The following CHL1 variants were observed in gnomAD, a reference collection of about 807,000 sequenced individuals.
CHL1 encodes the protein cell adhesion molecule L1 like.
A neutral mutation model predicts 141.9 loss-of-function variants in CHL1; 96 were observed. That is an observed-to-expected ratio of 0.68 (90% CI 0.57 to 0.80). The LOEUF (loss-of-function observed/expected upper bound fraction) is 0.80, where lower values mean the gene tolerates loss of function less well. CHL1 is among the 30% of genes least tolerant of loss of function. The pLI is 0.00. For synonymous variants in CHL1, 613 were observed against 502.2 expected, an observed-to-expected ratio of 1.22 and a Z score of -2.95; for missense variants, 1,820 against 1,457.2, an observed-to-expected ratio of 1.25 and a Z score of -4.05.
chr3:259,312 G>A (rs1342381291), intron 2 of CHL1, among the ~76,000 whole-genome samples: 1 of 151,030 alleles, frequency 6.6e-6, no homozygotes, highest in Non-Finnish European at 1.5e-5. Context: ...GCTTGTGTGT[G>A]TGTGTGCATG....
At chr3:308,396 T>C (rs1699435704) in intron 2 of CHL1, among the ~76,000 whole-genome samples, 1 of 152,116 alleles carries the variant, frequency 6.6e-6, no homozygotes. Flanking sequence ...TTGTGAGCCC[T>C]TGTTTATTTT....
chr3:276,690 C>T (rs1204917991), intron 2 of CHL1, among the ~76,000 whole-genome samples: 5 of 151,780 alleles, frequency 3.3e-5, no homozygotes, highest in South Asian at 4.2e-4. Context: ...GAGATTGAGA[C>T]CGTCCTGGCT....
chr3:245,986 A>G (rs1693125743), intron 2 of CHL1, among the ~76,000 whole-genome samples: 1 of 152,176 alleles, frequency 6.6e-6, no homozygotes. Flanking sequence ...CTCTTGTAAC[A>G]TTAAAAATGG....
At chr3:351,213 T>C (rs187435868) in intron 10 of CHL1, among the ~76,000 whole-genome samples, 70 of 152,332 alleles carry the variant, frequency 4.6e-4, no homozygotes, top group Admixed American at 3.2e-3. Context: ...ACATTAATTA[T>C]GCAATTTAAA....
At chr3:338,350 A>G (rs1702099547) in intron 5 of CHL1, among the ~76,000 whole-genome samples, 1 of 152,216 alleles carries the variant, frequency 6.6e-6, no homozygotes, top group Admixed American at 6.5e-5. Context: ...TTTACTTTTA[A>G]AAATATTACT....
intron 1 of CHL1, among the ~76,000 whole-genome samples, chr3:212,246 A>T (rs1248570830): frequency 6.6e-6 from 1 of 152,116 alleles, no homozygotes; most frequent in Non-Finnish European, 1.5e-5. Flanking sequence ...ATCAATTCTC[A>T]GATGTTTCCA....
chr3:307,139 A>G (rs751617005), intron 2 of CHL1, among the ~76,000 whole-genome samples: 1 of 152,172 alleles, frequency 6.6e-6, no homozygotes, highest in Non-Finnish European at 1.5e-5. Context: ...TTTTATAGGT[A>G]TCAATATTTT....
intron 1 of CHL1, among the ~76,000 whole-genome samples, chr3:230,326 G>C (rs1318955398): frequency 6.6e-6 from 1 of 152,088 alleles, no homozygotes; most frequent in Non-Finnish European, 1.5e-5. Context: ...GAAAGCAAAG[G>C]CTTAACACTG....
At chr3:234,081 A>G (rs1023842903) in intron 1 of CHL1, among the ~76,000 whole-genome samples, 1 of 152,068 alleles carries the variant, frequency 6.6e-6, no homozygotes, top group Non-Finnish European at 1.5e-5. Flanking sequence ...ATGTGTGTAT[A>G]TGAGTGTAGC....
intron 1 of CHL1, among the ~76,000 whole-genome samples, chr3:205,857 T>C (rs1449219490): frequency 6.6e-6 from 1 of 152,210 alleles, no homozygotes; most frequent in Non-Finnish European, 1.5e-5. Flanking sequence ...GAAAGTACTA[T>C]TATAACACCC....
intron 1 of CHL1, among the ~76,000 whole-genome samples, chr3:216,402 T>C (rs1486806961): frequency 6.6e-6 from 1 of 152,244 alleles, no homozygotes; most frequent in East Asian, 1.9e-4. Context: ...GTATTCTTTC[T>C]AATGTGATCA....
At chr3:255,678 C>T (rs1221789979) in intron 2 of CHL1, among the ~76,000 whole-genome samples, 2 of 152,304 alleles carry the variant, frequency 1.3e-5, no homozygotes, top group South Asian at 2.1e-4. Context: ...GTACTTCAAG[C>T]TTTATTTTCT....
chr3:232,300 T>A (rs928510058), intron 1 of CHL1, among the ~76,000 whole-genome samples: 2 of 152,194 alleles, frequency 1.3e-5, no homozygotes, highest in East Asian at 3.8e-4. Context: ...GAGCTCTTTG[T>A]ACTAAGTTAT....
intron 2 of CHL1, chr3:308,613 T>C (rs562525771): frequency 3.3e-5 from 5 of 149,718 alleles, no homozygotes; most frequent in East Asian, 1.9e-4. Flanking sequence ...ATAGAACATA[T>C]ATATGTTATA....
At chr3:226,522 T>A (rs1318238131) in intron 1 of CHL1, among the ~76,000 whole-genome samples, 1 of 151,524 alleles carries the variant, frequency 6.6e-6, no homozygotes, top group Non-Finnish European at 1.5e-5. Flanking sequence ...GGTCACTGCA[T>A]CACCGCAACC....
intron 15 of CHL1, among the ~76,000 whole-genome samples, chr3:374,676 TTAGCTCA>T (rs1489165077): frequency 3.9e-5 from 6 of 152,280 alleles, no homozygotes; most frequent in Non-Finnish European, 7.4e-5. Context: ...GACAATAACC[TTAGCTCA>T]GAAGAGGCCC....
intron 2 of CHL1, among the ~76,000 whole-genome samples, chr3:307,286 T>C (rs1699324873): frequency 6.6e-6 from 1 of 152,174 alleles, no homozygotes; most frequent in African/African-American, 2.4e-5. Flanking sequence ...ACACATATGC[T>C]CATAAGTATG....
chr3:291,372 C>T (rs181245671), intron 2 of CHL1, among the ~76,000 whole-genome samples: 2 of 152,054 alleles, frequency 1.3e-5, no homozygotes, highest in African/African-American at 4.8e-5. Context: ...ACTTAAAAAA[C>T]ATATTGGGTA....
At position 394,714 on chromosome 3, in the gene CHL1, G is replaced by A; in HGVS notation, c.2936G>A (p.Gly979Glu). 1 of 1,611,332 alleles carries A rather than the reference G, an allele frequency of 6.2e-7. No individual in the cohort carries two copies. Among genetic ancestry groups the A allele is most frequent in the Non-Finnish European group, 8.5e-7 (1 of 1,178,878 alleles). ...YQIINDTYEIGELNDINITTP... is the reference protein window; with the variant it reads ...YQIINDTYEIEELNDINITTP... ...TTAGTAAATGACACCTACGAGATTG[G>A]AGAATTAAATGATATTAACATTACA... The change falls in exon 24 of 28, where the codon GGA becomes GAA. Residue 979 changes from glycine to glutamate, a missense_variant. Gly to Glu is a moderately conservative substitution (Grantham distance 98). Coordinates refer to ENST00000256509, the MANE Select transcript of CHL1 (RefSeq NM_006614.4).
Sources: allele counts gnomAD v4.1 joint callset (sites outside exome capture counted in the v4.1 genomes callset), GRCh38; gene constraint gnomAD v4.1.1; transcripts MANE v1.5; gene names NCBI Gene and HGNC (gene_info 2026-07-23, HGNC 2026-07-21).